SFI1: variants seen among roughly 807,000 people sequenced by gnomAD.
SFI1 encodes protein SFI1 homolog.
In SFI1, 195 loss-of-function variants were observed where a neutral mutation model predicts 207.5. That is an observed-to-expected ratio of 0.94 (90% CI 0.84 to 1.06). The LOEUF (loss-of-function observed/expected upper bound fraction) is 1.06. Ranked by LOEUF, SFI1 falls within the 50% of genes least tolerant of loss-of-function variation. The probability of loss-of-function intolerance (pLI) is 0.00; values close to 1 mark genes in which losing one functional copy is unlikely to be tolerated. For synonymous variants in SFI1, 630 were observed against 598.9 expected (o/e 1.05, Z -0.76); for missense variants, 1,634 against 1,588.0 (o/e 1.03, Z -0.49).
rs780509261 is a variant in SFI1, at chr22:31,561,406, ACGTGGGATTTGG to A, written c.765+16_765+27del. On this transcript the variant is annotated intron_variant, in intron 8 of 32. Transcript: ENST00000400288. ...CTCCAGGTGCAGGTGAGTCCAGCAGACGTGGGATTTGGCATCCTCTGTCAGTGTTGTCAAGCC... is the reference window on the plus strand; with the variant it reads ...CTCCAGGTGCAGGTGAGTCCAGCAGACATCCTCTGTCAGTGTTGTCAAGCC... 1.9e-6 allele frequency: 3 copies of A among 1,608,694 alleles called. No individual in the cohort carries two copies. Among genetic ancestry groups the A allele is most frequent in the Non-Finnish European group, 1.7e-6 (2 of 1,177,142 alleles).
chr22:31,578,452 G>C lies in SFI1; in HGVS notation c.1155G>C (p.Leu385=). 6.2e-7 allele frequency: 1 copy of C among 1,613,100 alleles called. No individual in the cohort carries two copies. The highest frequency in any genetic ancestry group is 8.5e-7 in the Non-Finnish European group (1 of 1,179,418). The change falls in exon 11 of 33, where the codon CTG becomes CTC. Residue 385 remains leucine, a splice_region_variant and synonymous_variant. Coordinates refer to ENST00000400288, the MANE Select transcript of SFI1 (RefSeq NM_001007467.3). ...AAGAGCACCACAGGCACAGCCAGCT[G>C]GTAAGAGCCCTGCATCCTGGCACGG... ...MAEEHHRHSQ[L]YFCFRALKDN...
intron 2 of SFI1, among the ~76,000 whole-genome samples, chr22:31,527,156 C>G (rs1439778916): frequency 6.6e-6 from 1 of 152,170 alleles, no homozygotes; most frequent in Non-Finnish European, 1.5e-5. Flanking sequence ...CTCGGCCTCT[C>G]AAAGTGCTGG....
chr22:31,604,285 A>G (rs140129562), intron 18 of SFI1, 24 bp from the exon 19 acceptor site: 22,218 of 1,551,970 alleles, frequency 0.014, 179 homozygotes, highest in Non-Finnish European at 0.016. Flanking sequence ...AGCCCACGGT[A>G]GCTGCTTTCT....
chr22:31,523,946 CTTTT>C (rs563840359), intron 2 of SFI1, among the ~76,000 whole-genome samples: 1 of 135,798 alleles, frequency 7.4e-6, no homozygotes. Flanking sequence ...GCAAGGACTA[CTTTT>C]TTTTTTTTTT....
intron 6 of SFI1, 145 bp downstream of exon 6, chr22:31,550,493 AGT>A (rs2060523119): frequency 1.5e-6 from 1 of 648,560 alleles, no homozygotes; most frequent in South Asian, 2.1e-5. Flanking sequence ...TTTTTCAGAA[AGT>A]GTGATCTCTG....
At chr22:31,550,913 C>T (rs920479984) in intron 6 of SFI1, among the ~76,000 whole-genome samples, 6 of 152,198 alleles carry the variant, frequency 3.9e-5, no homozygotes, top group African/African-American at 1.4e-4. Flanking sequence ...CTCTGCAAGT[C>T]ACAAGTACAA....
intron 1 of SFI1, among the ~76,000 whole-genome samples, chr22:31,498,952 C>G (rs2053247315): frequency 6.6e-6 from 1 of 151,564 alleles, no homozygotes; most frequent in South Asian, 2.1e-4. Flanking sequence ...TGTGATCCAC[C>G]TGCTTCGGCC....
At chr22:31,558,445 C>T (rs2061373887) in intron 7 of SFI1, among the ~76,000 whole-genome samples, 1 of 151,574 alleles carries the variant, frequency 6.6e-6, no homozygotes, top group Non-Finnish European at 1.5e-5. Flanking sequence ...AATTAGTATG[C>T]AGTTTTACTT....
intron 9 of SFI1, 107 bp from the exon 10 acceptor site, chr22:31,575,123 GC>G: frequency 1.1e-5 from 7 of 662,424 alleles, no homozygotes; most frequent in South Asian, 6.2e-5. Flanking sequence ...TGTGTGTGTG[GC>G]CTTGAACCCC....
intron 20 of SFI1, 45 bp from the exon 21 acceptor site, chr22:31,606,283 T>G: frequency 6.4e-7 from 1 of 1,561,346 alleles, no homozygotes; most frequent in Non-Finnish European, 8.8e-7. Context: ...CCCTTCTCTC[T>G]CTATCCTGGT....
At chr22:31,505,521 C>T (rs557460625) in intron 1 of SFI1, among the ~76,000 whole-genome samples, 25 of 150,926 alleles carry the variant, frequency 1.7e-4, no homozygotes, top group Admixed American at 2.0e-4. Context: ...CTTGGGAGGC[C>T]GAGACAGGAG....
chr22:31,523,225 C>G (rs1162860992), intron 2 of SFI1, among the ~76,000 whole-genome samples: 1 of 152,170 alleles, frequency 6.6e-6, no homozygotes, highest in Non-Finnish European at 1.5e-5. Context: ...ATTCCTTCTA[C>G]TGCCAGTAAA....
At chr22:31,524,330 T>C (rs1683977917) in intron 2 of SFI1, among the ~76,000 whole-genome samples, 1 of 152,218 alleles carries the variant, frequency 6.6e-6, no homozygotes, top group African/African-American at 2.4e-5. Flanking sequence ...TTCATTTGCA[T>C]TTTCCTGATA....
chr22:31,526,387 A>G lies in SFI1; in HGVS notation c.93-2303A>G, dbSNP rs1323460537. Among the ~76,000 whole-genome samples, 4 of 152,158 alleles carry G rather than the reference A, an allele frequency of 2.6e-5. No individual in the cohort carries two copies. In the East Asian group the frequency reaches 5.8e-4, roughly 22 times the overall value. The stretch of plus-strand genomic sequence containing the variant: ...GCAGGGTGAAGTGGGGGAAAGCCCC[A>G]TATAAAACCATCAGATCTCGTGGAA... On this transcript the variant is annotated intron_variant, in intron 2 of 32. Coordinates refer to ENST00000400288, the MANE Select transcript of SFI1 (RefSeq NM_001007467.3).
At chr22:31,614,582 G>T in intron 27 of SFI1, 2 of 703,090 alleles carry the variant, frequency 2.8e-6, no homozygotes, top group East Asian at 5.4e-5. Context: ...GAGACAATGT[G>T]GGTGAAGCAG....
chr22:31,548,446 T>C (rs2060307828), intron 5 of SFI1, among the ~76,000 whole-genome samples: 1 of 146,868 alleles, frequency 6.8e-6, no homozygotes, highest in African/African-American at 2.5e-5. Flanking sequence ...TTCCAGCCTG[T>C]ACAACACAGA....
At chr22:31,560,720 G>A (rs1268042770) in intron 7 of SFI1, among the ~76,000 whole-genome samples, 1 of 125,990 alleles carries the variant, frequency 7.9e-6, no homozygotes, top group African/African-American at 3.1e-5. Flanking sequence ...TTTTTTTCCC[G>A]AGATGGAGTC....
At chr22:31,601,267 G>A (rs995027505) in intron 15 of SFI1, among the ~76,000 whole-genome samples, 1 of 151,588 alleles carries the variant, frequency 6.6e-6, no homozygotes, top group African/African-American at 2.4e-5. Context: ...GGGACTACAG[G>A]CGCCCACCAC....
intron 4 of SFI1, among the ~76,000 whole-genome samples, chr22:31,544,115 T>G (rs981855584): frequency 1.3e-5 from 2 of 151,382 alleles, no homozygotes; most frequent in African/African-American, 4.9e-5. Flanking sequence ...CTTGAATGCA[T>G]GAGGTGGAGA....
Sources: gnomAD v4.1 joint callset for allele counts (sites outside exome capture counted in the v4.1 genomes callset) on GRCh38, gnomAD v4.1.1 for gene constraint, MANE v1.5 for transcripts, NCBI Gene and HGNC (gene_info 2026-07-23, HGNC 2026-07-21) for gene names.